LRRIQ3: variants seen among roughly 807,000 people sequenced by gnomAD.
LRRIQ3 encodes leucine rich repeats and IQ motif containing 3, also known as leucine-rich repeat and IQ domain-containing protein 3.
LRRIQ3 carries 75 observed loss-of-function variants against 59.3 expected under a neutral mutation model. The observed-to-expected ratio is 1.26, with a 90% CI of 1.05 to 1.53. The LOEUF is 1.53. Among genes scored for constraint, LRRIQ3 ranks in the 40% most tolerant of loss-of-function variants. The pLI, the probability that LRRIQ3 is intolerant of heterozygous loss-of-function variation, is 0.00. For synonymous variants in LRRIQ3, 250 were observed against 231.3 expected, an observed-to-expected ratio of 1.08 and a Z score of -0.73; for missense variants, 831 against 710.0, an observed-to-expected ratio of 1.17 and a Z score of -1.94.
Position 74,068,634 on chromosome 1 carries a change from A to G in LRRIQ3, c.997+6027T>C, listed in dbSNP as rs563229618. Among the ~76,000 whole-genome samples, 138 of 152,222 alleles carry G rather than the reference A, an allele frequency of 9.1e-4. 1 individual carries two copies. The highest frequency in any genetic ancestry group is 3.0e-3 in the African/African-American group (126 of 41,572). ...AAATATTTTAAAAGCAATTTGAAATATTACATAGATACAAAAACAAAATAC... is the reference window on the plus strand; with the variant it reads ...AAATATTTTAAAAGCAATTTGAAATGTTACATAGATACAAAAACAAAATAC... On this transcript the variant is annotated intron_variant, in intron 6 of 7. Transcript: ENST00000354431.
intron 4 of LRRIQ3, among the ~76,000 whole-genome samples, chr1:74,154,240 C>CAAACAAAAAAAAAAAAAAAAAAA (rs1648176929): frequency 1.7e-5 from 1 of 57,290 alleles, no homozygotes; most frequent in African/African-American, 7.3e-5. Flanking sequence ...GACTCCTTCT[C>CAAACAAAAAAAAAAAAAAAAAAA]AAAAAAAAAA....
intron 5 of LRRIQ3, among the ~76,000 whole-genome samples, chr1:74,106,597 T>G (rs2100554725): frequency 6.6e-6 from 1 of 152,110 alleles, no homozygotes; most frequent in East Asian, 1.9e-4. Context: ...GGTTACTTAC[T>G]ATAAGTTTAT....
chr1:74,177,709 T>C (rs1210144414), intron 3 of LRRIQ3, among the ~76,000 whole-genome samples: 1 of 151,928 alleles, frequency 6.6e-6, no homozygotes, highest in Non-Finnish European at 1.5e-5. Flanking sequence ...TTTAATGTTT[T>C]AGGGAATTAA....
chr1:74,176,934 G>C (rs953427251), intron 3 of LRRIQ3, among the ~76,000 whole-genome samples: 7 of 152,104 alleles, frequency 4.6e-5, no homozygotes, highest in African/African-American at 1.7e-4. Context: ...CAAAAAGGTA[G>C]AGGTCTAAAC....
intron 7 of LRRIQ3, among the ~76,000 whole-genome samples, chr1:74,032,325 G>A (rs547114231): frequency 4.6e-5 from 7 of 152,048 alleles, no homozygotes; most frequent in African/African-American, 1.2e-4. Flanking sequence ...AAATGTATTG[G>A]CTTACAACAA....
intron 1 of LRRIQ3, among the ~76,000 whole-genome samples, chr1:74,189,259 A>G (rs1038329120): frequency 1.1e-4 from 16 of 152,182 alleles, no homozygotes; most frequent in African/African-American, 3.9e-4. Context: ...AAAGCATAAA[A>G]GCAGAACCTG....
At chr1:74,104,807 G>T (rs890948094) in intron 5 of LRRIQ3, among the ~76,000 whole-genome samples, 1 of 151,948 alleles carries the variant, frequency 6.6e-6, no homozygotes, top group Middle Eastern at 3.2e-3. Flanking sequence ...AACCGCAATG[G>T]AAACTACGGA....
intron 5 of LRRIQ3, among the ~76,000 whole-genome samples, chr1:74,089,602 T>C (rs933971458): frequency 3.3e-5 from 5 of 152,004 alleles, no homozygotes; most frequent in African/African-American, 1.2e-4. Context: ...AAATAACATA[T>C]ATGCATGATT....
intron 4 of LRRIQ3, among the ~76,000 whole-genome samples, chr1:74,141,510 T>C (rs1449989895): frequency 6.6e-6 from 1 of 151,870 alleles, no homozygotes; most frequent in Admixed American, 6.6e-5. Context: ...ATTGTTTGAA[T>C]TGTTTCTAAA....
chr1:74,137,798 A>G (rs1647149204), intron 4 of LRRIQ3, among the ~76,000 whole-genome samples: 1 of 152,086 alleles, frequency 6.6e-6, no homozygotes, highest in Non-Finnish European at 1.5e-5. Flanking sequence ...TTGCAGGCAC[A>G]TGGATGAAGC....
intron 4 of LRRIQ3, among the ~76,000 whole-genome samples, chr1:74,125,080 T>C (rs1646916349): frequency 6.6e-6 from 1 of 152,084 alleles, no homozygotes; most frequent in Admixed American, 6.6e-5. Context: ...ACTTCTTTGG[T>C]TAAGTTAATT....
intron 4 of LRRIQ3, among the ~76,000 whole-genome samples, chr1:74,144,804 T>C (rs970540450): frequency 6.6e-6 from 1 of 151,776 alleles, no homozygotes; most frequent in African/African-American, 2.4e-5. Context: ...CCCAACCTTA[T>C]ATCTATATTT....
At chr1:74,034,539 G>T (rs1013025101) in intron 7 of LRRIQ3, among the ~76,000 whole-genome samples, 1 of 151,586 alleles carries the variant, frequency 6.6e-6, no homozygotes, top group Non-Finnish European at 1.5e-5. Context: ...ATTTGCACTA[G>T]ATTTGTATTT....
chr1:74,140,290 A>G (rs1647209825), intron 4 of LRRIQ3, among the ~76,000 whole-genome samples: 1 of 151,926 alleles, frequency 6.6e-6, no homozygotes, highest in South Asian at 2.1e-4. Context: ...CTGATAAAGT[A>G]AACTTTAAGC....
At chr1:74,028,069 C>A (rs540507660) in intron 7 of LRRIQ3, among the ~76,000 whole-genome samples, 1 of 151,910 alleles carries the variant, frequency 6.6e-6, no homozygotes, top group Non-Finnish European at 1.5e-5. Context: ...TTTTATATCA[C>A]GAACATGGTC....
intron 3 of LRRIQ3, among the ~76,000 whole-genome samples, chr1:74,174,949 T>C (rs181641880): frequency 7.9e-5 from 12 of 152,366 alleles, no homozygotes; most frequent in African/African-American, 2.9e-4. Flanking sequence ...TGGTAGAATG[T>C]TTCCCTTATT....
At chr1:74,074,444 T>G (rs1646178267) in intron 6 of LRRIQ3, among the ~76,000 whole-genome samples, 1 of 152,120 alleles carries the variant, frequency 6.6e-6, no homozygotes, top group Admixed American at 6.6e-5. Flanking sequence ...TGAAGATAAT[T>G]ATCATTTTTT....
chr1:74,077,351 T>G (rs1186639301), intron 5 of LRRIQ3, among the ~76,000 whole-genome samples: 3 of 152,008 alleles, frequency 2.0e-5, no homozygotes, highest in African/African-American at 7.2e-5. Context: ...CTTTCTTCTA[T>G]ATATCTCACT....
chr1:74,070,025 G>T (rs1328133980), intron 6 of LRRIQ3, among the ~76,000 whole-genome samples: 1 of 152,068 alleles, frequency 6.6e-6, no homozygotes, highest in Admixed American at 6.6e-5. Flanking sequence ...CACCGCTGAT[G>T]GGAATGTAAA....
Sources: allele counts gnomAD v4.1 joint callset (sites outside exome capture counted in the v4.1 genomes callset), GRCh38; gene constraint gnomAD v4.1.1; transcripts MANE v1.5; gene names NCBI Gene and HGNC (gene_info 2026-07-23, HGNC 2026-07-21).